VPS13C: variants seen among roughly 807,000 people sequenced by gnomAD.
VPS13C encodes the protein intermembrane lipid transfer protein VPS13C.
In VPS13C, 358 loss-of-function variants were observed where a neutral mutation model predicts 456.8. The ratio of observed to expected loss-of-function variants is 0.78; its 90% CI spans 0.72 to 0.86. VPS13C has a LOEUF of 0.86. Among genes scored for constraint, VPS13C ranks in the 40% least tolerant of loss-of-function variants. The pLI is 0.00. For missense variants in VPS13C, 4,818 were observed against 4,385.4 expected, an observed-to-expected ratio of 1.10 and a Z score of -2.79; for synonymous variants, 1,578 against 1,486.7, an observed-to-expected ratio of 1.06 and a Z score of -1.41.
intron 74 of VPS13C, 25 bp from the exon 75 acceptor site, chr15:61,877,079 C>T (rs1895478993): frequency 6.5e-7 from 1 of 1,542,274 alleles, no homozygotes; most frequent in Non-Finnish European, 8.9e-7. Flanking sequence ...AGGAAAGATT[C>T]AAAGATACTA....
At chr15:61,873,193 A>T in intron 78 of VPS13C, 53 bp downstream of exon 78, 1 of 1,608,034 alleles carries the variant, frequency 6.2e-7, no homozygotes, top group Non-Finnish European at 8.5e-7. Flanking sequence ...AACCAGCTAG[A>T]ATACACTTTT....
chr15:62,059,712 G>C (rs1040886954), intron 1 of VPS13C, among the ~76,000 whole-genome samples: 4 of 152,216 alleles, frequency 2.6e-5, no homozygotes, highest in African/African-American at 9.7e-5. Context: ...AAAGCATTAA[G>C]AGTAAGAATC....
chr15:62,053,768 T>A (rs1244793761), intron 1 of VPS13C, among the ~76,000 whole-genome samples: 2 of 152,222 alleles, frequency 1.3e-5, no homozygotes, highest in Non-Finnish European at 2.9e-5. Context: ...CATTCTCCTT[T>A]CTTATGCTGC....
At chr15:61,923,521 T>G (rs1353857915) in intron 53 of VPS13C, among the ~76,000 whole-genome samples, 1 of 152,076 alleles carries the variant, frequency 6.6e-6, no homozygotes, top group Admixed American at 6.5e-5. Flanking sequence ...AATTTTTTTA[T>G]CCCACAAGAT....
Position 61,917,484 on chromosome 15 carries a change from T to G in VPS13C, c.7912A>C (p.Ile2638Leu), listed in dbSNP as rs2140167859. The change falls in exon 60 of 85, where the codon ATA becomes CTA. Residue 2638 changes from isoleucine (I) to leucine (L), a missense_variant. Coordinates refer to ENST00000644861, the MANE Select transcript of VPS13C (RefSeq NM_020821.3). ...TCAGGCAGAGCAACTGTATTCACTA[T>G]GAGAGGTAAGAAGCTGACTTCTACT... is the stretch of plus-strand genomic sequence containing the variant. ...PSVEVSFLPLIVNTVALPDEL... is the reference protein window; with the variant it reads ...PSVEVSFLPLLVNTVALPDEL... 1 of 1,614,092 alleles carries G rather than the reference T, an allele frequency of 6.2e-7. No individual in the cohort carries two copies. Among genetic ancestry groups the G allele is most frequent in the East Asian group, 2.2e-5 (1 of 44,870 alleles).
chr15:62,023,155 CA>C (rs896119927), intron 8 of VPS13C, among the ~76,000 whole-genome samples: 2 of 150,984 alleles, frequency 1.3e-5, no homozygotes, highest in Admixed American at 6.6e-5. Flanking sequence ...AAATAAAATT[CA>C]AAAAAAATAA....
chr15:61,919,887 TAAATC>T (rs554527555), intron 57 of VPS13C, among the ~76,000 whole-genome samples, 175 bp downstream of exon 57: 184 of 150,384 alleles, frequency 1.2e-3, no homozygotes, highest in Middle Eastern at 3.5e-3. Context: ...AAAGTTTTCT[TAAATC>T]AATAAAGTTT....
intron 37 of VPS13C, among the ~76,000 whole-genome samples, chr15:61,957,529 A>T (rs1470148694): frequency 2.0e-5 from 3 of 152,102 alleles, no homozygotes; most frequent in Non-Finnish European, 4.4e-5. Flanking sequence ...ATGGTCCAAA[A>T]TTTTTTAATG....
intron 53 of VPS13C, among the ~76,000 whole-genome samples, chr15:61,924,705 T>C (rs1420012048): frequency 1.3e-5 from 2 of 152,182 alleles, no homozygotes; most frequent in East Asian, 1.9e-4. Flanking sequence ...AAAAACTAAA[T>C]TGATATTTAC....
chr15:61,953,962 T>C (rs4620905), intron 38 of VPS13C, among the ~76,000 whole-genome samples: 65,502 of 152,016 alleles, frequency 0.43, 14,250 homozygotes, highest in Middle Eastern at 0.64. Flanking sequence ...ACTGGGCATA[T>C]ACAATAAATA....
intron 81 of VPS13C, chr15:61,866,009 T>C (rs1894563663): frequency 2.0e-6 from 2 of 983,484 alleles, no homozygotes; most frequent in Admixed American, 6.2e-5. Flanking sequence ...TTTTATACTC[T>C]AATACTCTTT....
chr15:62,002,050 G>C (rs944475861), intron 15 of VPS13C, among the ~76,000 whole-genome samples: 1 of 152,110 alleles, frequency 6.6e-6, no homozygotes, highest in Non-Finnish European at 1.5e-5. Flanking sequence ...GAGATGGCTG[G>C]GTCAAATGGT....
intron 84 of VPS13C, 94 bp downstream of exon 84, chr15:61,854,777 G>A: frequency 1.7e-6 from 2 of 1,197,696 alleles, no homozygotes; most frequent in Non-Finnish European, 2.4e-6. Context: ...ATATTTGGGA[G>A]AGCTTTGGGA....
chr15:61,966,884 T>C (rs570916141), intron 29 of VPS13C, among the ~76,000 whole-genome samples: 1 of 152,136 alleles, frequency 6.6e-6, no homozygotes, highest in East Asian at 1.9e-4. Flanking sequence ...TCCAGAAGTA[T>C]TCAATAAATA....
intron 15 of VPS13C, among the ~76,000 whole-genome samples, chr15:62,002,090 C>T (rs780562115): frequency 1.8e-4 from 27 of 152,126 alleles, no homozygotes; most frequent in Non-Finnish European, 2.6e-4. Context: ...TGAGGAATCC[C>T]CACGCTGACT....
At chr15:62,048,262 C>G (rs964087757) in intron 1 of VPS13C, among the ~76,000 whole-genome samples, 2 of 90,622 alleles carry the variant, frequency 2.2e-5, no homozygotes, top group African/African-American at 6.8e-5. Context: ...CCCCACCCCC[C>G]CCAACAGGCC....
intron 16 of VPS13C, among the ~76,000 whole-genome samples, chr15:61,996,056 T>C (rs906912635): frequency 6.6e-6 from 1 of 152,166 alleles, no homozygotes; most frequent in African/African-American, 2.4e-5. Context: ...AAGGCCAGAA[T>C]GTATGTGAGA....
chr15:61,909,067 G>A lies in VPS13C; in HGVS notation c.8903C>T (p.Ser2968Phe). 6.2e-7 allele frequency: 1 copy of A among 1,613,306 alleles called. No individual in the cohort carries two copies. Among genetic ancestry groups the A allele is most frequent in the Non-Finnish European group, 8.5e-7 (1 of 1,179,868 alleles). ...TAEHSTVITF[S>F]DYHEGSAPAL... is the part of the protein sequence containing the mutation. ...AGGTGCAGATCCCTCATGGTAATCA[G>A]AAAAAGTTATGACAGTTGAATGTTC... The change falls in exon 65 of 85, where the codon TCT becomes TTT. Residue 2968 changes from serine (S) to phenylalanine (F), a missense_variant. Physicochemically the swap from Ser to Phe is radical, Grantham distance 155 (BLOSUM62 -2). Around this residue, in one of 3 missense-constraint regions of VPS13C, gnomAD observed 4,552 missense variants for 4,130.6 expected, o/e 1.10. Coordinates refer to ENST00000644861, the MANE Select transcript of VPS13C (RefSeq NM_020821.3).
At chr15:62,058,782 T>C (rs1371355273) in intron 1 of VPS13C, among the ~76,000 whole-genome samples, 8 of 152,170 alleles carry the variant, frequency 5.3e-5, no homozygotes, top group Non-Finnish European at 1.5e-5. Context: ...CCAGGCACTA[T>C]AGCTCACACC....
Sources: allele counts gnomAD v4.1 joint callset (sites outside exome capture counted in the v4.1 genomes callset), GRCh38; gene constraint gnomAD v4.1.1; regional missense constraint gnomAD v4.1.1; transcripts MANE v1.5; gene names NCBI Gene and HGNC (gene_info 2026-07-23, HGNC 2026-07-21).